The following RORB variants were observed in gnomAD, a reference collection of about 807,000 sequenced individuals.
RORB encodes the protein RAR related orphan receptor B.
A neutral mutation model predicts 59.1 loss-of-function variants in RORB; 6 were observed. That is an observed-to-expected ratio of 0.10 (90% CI 0.06 to 0.20). RORB has a LOEUF of 0.20. RORB is among the 10% of genes least tolerant of loss of function. RORB has a pLI of 1.00. For synonymous variants in RORB, 215 were observed against 204.5 expected (o/e 1.05, Z -0.44); for missense variants, 320 against 560.5 (o/e 0.57, Z 4.33).
At chr9:74,537,944 TCTCA>T (rs1260591842) in intron 1 of RORB, among the ~76,000 whole-genome samples, 1 of 152,084 alleles carries the variant, frequency 6.6e-6, no homozygotes, top group African/African-American at 2.4e-5. Context: ...TTCACTCAGC[TCTCA>T]CTCACTGACT....
At chr9:74,561,138 G>A (rs960614511) in intron 1 of RORB, among the ~76,000 whole-genome samples, 1 of 152,060 alleles carries the variant, frequency 6.6e-6, no homozygotes, top group Admixed American at 6.6e-5. Flanking sequence ...AGAAATATTA[G>A]AATCAAATTA....
intron 1 of RORB, among the ~76,000 whole-genome samples, chr9:74,512,974 A>G (rs1304715003): frequency 1.3e-5 from 2 of 152,180 alleles, no homozygotes; most frequent in Non-Finnish European, 2.9e-5. Context: ...TTAATGAATG[A>G]GCAAAATCGT....
chr9:74,552,634 A>G (rs964152571), intron 1 of RORB, among the ~76,000 whole-genome samples: 9 of 152,084 alleles, frequency 5.9e-5, no homozygotes, highest in African/African-American at 2.2e-4. Flanking sequence ...TTTGCTCAGT[A>G]TAGAAAATGA....
At chr9:74,663,603 G>A (rs191724211) in intron 6 of RORB, among the ~76,000 whole-genome samples, 95 of 152,222 alleles carry the variant, frequency 6.2e-4, no homozygotes, top group African/African-American at 2.2e-3. Flanking sequence ...TATTTCTTTC[G>A]CTCTCAAAGC....
At chr9:74,517,616 TA>T (rs1826027232) in intron 1 of RORB, among the ~76,000 whole-genome samples, 1 of 152,090 alleles carries the variant, frequency 6.6e-6, no homozygotes, top group African/African-American at 2.4e-5. Flanking sequence ...AATCTAATTT[TA>T]TTTTTTTAAA....
intron 8 of RORB, among the ~76,000 whole-genome samples, chr9:74,668,533 C>T (rs1217028440): frequency 3.3e-5 from 5 of 152,292 alleles, no homozygotes; most frequent in African/African-American, 7.2e-5. Flanking sequence ...TACTGTTGAC[C>T]GGAAGCCTCG....
At chr9:74,541,096 C>G (rs1826399020) in intron 1 of RORB, among the ~76,000 whole-genome samples, 1 of 151,810 alleles carries the variant, frequency 6.6e-6, no homozygotes, top group Non-Finnish European at 1.5e-5. Flanking sequence ...GCCTGGCCAA[C>G]ATGGTGAAAC....
At chr9:74,608,203 TAA>T (rs1367886483) in intron 1 of RORB, among the ~76,000 whole-genome samples, 1 of 152,132 alleles carries the variant, frequency 6.6e-6, no homozygotes, top group Non-Finnish European at 1.5e-5. Context: ...TCTCTATTCT[TAA>T]ATAGCTTCGA....
intron 1 of RORB, among the ~76,000 whole-genome samples, chr9:74,525,795 C>T (rs900937222): frequency 6.6e-6 from 1 of 151,928 alleles, no homozygotes; most frequent in Non-Finnish European, 1.5e-5. Context: ...GAACCCTTTG[C>T]GTCCCGAAAT....
chr9:74,594,730 C>T (rs2118300806), intron 1 of RORB, among the ~76,000 whole-genome samples: 1 of 152,176 alleles, frequency 6.6e-6, no homozygotes, highest in South Asian at 2.1e-4. Flanking sequence ...GTAAAGAACA[C>T]ACACATGCAC....
chr9:74,580,168 G>A (rs570150724), intron 1 of RORB, among the ~76,000 whole-genome samples: 1 of 152,204 alleles, frequency 6.6e-6, no homozygotes, highest in South Asian at 2.1e-4. Context: ...GTTTGAATAA[G>A]TGGTGACGAC....
chr9:74,616,614 A>G (rs982436212), intron 1 of RORB, among the ~76,000 whole-genome samples: 3 of 152,192 alleles, frequency 2.0e-5, no homozygotes, highest in Non-Finnish European at 2.9e-5. Context: ...AGATTTACTC[A>G]GGATATTGTT....
intron 1 of RORB, among the ~76,000 whole-genome samples, chr9:74,578,831 G>A (rs1822675218): frequency 6.6e-6 from 1 of 152,048 alleles, no homozygotes; most frequent in Admixed American, 6.6e-5. Context: ...GGCCACCCAA[G>A]TCATTTGCAC....
At chr9:74,586,097 C>CA (rs1261280631) in intron 1 of RORB, among the ~76,000 whole-genome samples, 6 of 152,062 alleles carry the variant, frequency 3.9e-5, no homozygotes, top group Admixed American at 3.9e-4. Context: ...CCCAGCCTCA[C>CA]AGGACATATT....
In RORB at chr9:74,500,011, G is replaced by A. The variant is rs1050186635; in HGVS notation, c.7+2028G>A. 4.6e-5 allele frequency among the ~76,000 whole-genome samples: 7 copies of A among 152,136 alleles called. No homozygotes were observed. The East Asian group carries it at 1.4e-3, about 29-fold the overall frequency. ...AGTTTGCAGATGACTGTCCTGGTTC[G>A]CCACGGCGGTCGCTTTGAGGACTCC... On this transcript the variant is annotated intron_variant, in intron 1 of 9. Coordinates refer to ENST00000376896, the MANE Select transcript of RORB (RefSeq NM_006914.4).
intron 3 of RORB, among the ~76,000 whole-genome samples, chr9:74,639,704 T>C (rs1017084795): frequency 6.6e-6 from 1 of 152,194 alleles, no homozygotes; most frequent in Non-Finnish European, 1.5e-5. Flanking sequence ...TTCACTTCCA[T>C]AACTCTACAA....
chr9:74,589,223 A>G (rs1293622815), intron 1 of RORB, among the ~76,000 whole-genome samples: 1 of 152,226 alleles, frequency 6.6e-6, no homozygotes, highest in Non-Finnish European at 1.5e-5. Context: ...AAAGACAGAA[A>G]GTGGAATTAA....
intron 4 of RORB, among the ~76,000 whole-genome samples, chr9:74,660,287 T>TTTACTTGAAA (rs1824158664): frequency 6.6e-6 from 1 of 152,178 alleles, no homozygotes; most frequent in African/African-American, 2.4e-5. Flanking sequence ...GTGTTAAGAC[T>TTTACTTGAAA]GTTAGTTGAC....
intron 1 of RORB, among the ~76,000 whole-genome samples, chr9:74,593,130 A>T (rs942503474): frequency 2.0e-5 from 3 of 152,150 alleles, no homozygotes; most frequent in African/African-American, 4.8e-5. Flanking sequence ...ACAAATTGTT[A>T]CTGATTGCAA....
Sources: allele counts gnomAD v4.1 joint callset (sites outside exome capture counted in the v4.1 genomes callset), GRCh38; gene constraint gnomAD v4.1.1; transcripts MANE v1.5; gene names NCBI Gene and HGNC (gene_info 2026-07-23, HGNC 2026-07-21).